The following TRPM3 variants were observed in gnomAD, a reference collection of about 807,000 sequenced individuals.
TRPM3 encodes the protein transient receptor potential cation channel subfamily M member 3, also known as long transient receptor potential channel 3.
Under a neutral mutation model 181.2 loss-of-function variants are expected in TRPM3, and 77 were observed. The ratio of observed to expected loss-of-function variants is 0.42; its 90% CI spans 0.35 to 0.51. The LOEUF is 0.51. Ranked by LOEUF, TRPM3 falls within the 20% of genes least tolerant of loss-of-function variation. TRPM3 has a pLI of 0.01. For missense variants in TRPM3, 1,759 were observed against 2,196.7 expected (o/e 0.80, Z 3.98); for synonymous variants, 745 against 796.4 (o/e 0.94, Z 1.09).
At chr9:70,683,085 G>A (rs550323384) in intron 8 of TRPM3, among the ~76,000 whole-genome samples, 4 of 152,088 alleles carry the variant, frequency 2.6e-5, no homozygotes, top group Non-Finnish European at 5.9e-5. Context: ...TTTATAACTT[G>A]GGAAAAAATA....
chr9:71,358,291 T>C (rs2091992042), intron 1 of TRPM3, among the ~76,000 whole-genome samples: 2 of 152,170 alleles, frequency 1.3e-5, no homozygotes, highest in African/African-American at 4.8e-5. Flanking sequence ...ATTCATTCAT[T>C]AGTAGGGTTT....
At chr9:71,175,074 G>C (rs1052094689) in intron 1 of TRPM3, among the ~76,000 whole-genome samples, 9 of 152,196 alleles carry the variant, frequency 5.9e-5, no homozygotes, top group Non-Finnish European at 4.4e-5. Flanking sequence ...GGAAACGACA[G>C]ATGGAGGTGA....
chr9:70,827,929 G>A lies in TRPM3; in HGVS notation c.891C>T (p.Asn297=), dbSNP rs201646902. 80 of 1,613,966 alleles carry A rather than the reference G, an allele frequency of 5.0e-5. 2 individuals carry two copies. The East Asian group carries it at 1.4e-3, about 28-fold the overall frequency. Residue 297 remains asparagine, a synonymous_variant, in exon 6 of 26, where the codon AAC becomes AAT. Coordinates refer to ENST00000677713, the MANE Select transcript of TRPM3 (RefSeq NM_001366145.2). ...SMHSHFILAD[N]GTTGKYGAEV... ...CTGCTCCATATTTTCCAGTGGTCCC[G>A]TTGTCAGCCAGAATGAAGTGGGAAT...
rs186193271 is a variant in TRPM3, at chr9:70,962,847, G to A, written c.178-98336C>T. Among the ~76,000 whole-genome samples, 81 of 152,188 alleles carry A rather than the reference G, an allele frequency of 5.3e-4. No homozygotes were observed. In the East Asian group the frequency reaches 0.011, roughly 20 times the overall value. On this transcript the variant is annotated intron_variant, in intron 1 of 25. Coordinates refer to ENST00000677713, the MANE Select transcript of TRPM3 (RefSeq NM_001366145.2). ...AAGTGATTTTGAATACCAAATCACCGGGGGGACAAGGGGACTGTCATGTAT... is the reference window on the plus strand; with the variant it reads ...AAGTGATTTTGAATACCAAATCACCAGGGGGACAAGGGGACTGTCATGTAT...
At chr9:70,690,626 G>A (rs1478295858) in intron 8 of TRPM3, among the ~76,000 whole-genome samples, 2 of 152,046 alleles carry the variant, frequency 1.3e-5, no homozygotes, top group Non-Finnish European at 2.9e-5. Context: ...ACTTTTAAAA[G>A]CCGCCAGCTT....
intron 1 of TRPM3, among the ~76,000 whole-genome samples, chr9:71,403,444 A>G (rs2093379075): frequency 3.3e-5 from 5 of 152,204 alleles, no homozygotes; most frequent in African/African-American, 1.2e-4. Flanking sequence ...GAAATGCAAA[A>G]GGAATATACT....
chr9:70,909,395 C>T (rs1243967792), intron 1 of TRPM3, among the ~76,000 whole-genome samples: 1 of 152,102 alleles, frequency 6.6e-6, no homozygotes. Flanking sequence ...TTAGACCCTT[C>T]ATAGTATGGT....
At chr9:71,063,210 GA>G (rs923529242) in intron 1 of TRPM3, among the ~76,000 whole-genome samples, 10 of 152,094 alleles carry the variant, frequency 6.6e-5, no homozygotes, top group Admixed American at 6.6e-4. Context: ...AGCCATTTGG[GA>G]AAGTCACAAA....
At chr9:70,950,723 A>G (rs1297177971) in intron 1 of TRPM3, among the ~76,000 whole-genome samples, 1 of 152,148 alleles carries the variant, frequency 6.6e-6, no homozygotes, top group Non-Finnish European at 1.5e-5. Flanking sequence ...AAGAAGCCAA[A>G]AAGACCTGCT....
intron 1 of TRPM3, among the ~76,000 whole-genome samples, chr9:70,954,525 A>G (rs1054228724): frequency 6.6e-6 from 1 of 152,064 alleles, no homozygotes; most frequent in African/African-American, 2.4e-5. Flanking sequence ...CATTTATTTG[A>G]TGTGTAGATT....
intron 1 of TRPM3, among the ~76,000 whole-genome samples, chr9:71,306,530 A>G (rs1205544653): frequency 6.6e-6 from 1 of 152,200 alleles, no homozygotes; most frequent in Non-Finnish European, 1.5e-5. Context: ...AAAATAGATT[A>G]TAAATTCACT....
At chr9:71,022,046 AAATCTAT>A (rs1228184169) in intron 1 of TRPM3, among the ~76,000 whole-genome samples, 4 of 152,200 alleles carry the variant, frequency 2.6e-5, no homozygotes, top group Non-Finnish European at 5.9e-5. Flanking sequence ...TATAAATTAA[AAATCTAT>A]AGGATAGAAA....
At chr9:70,761,855 C>A in intron 7 of TRPM3, 131 bp from the exon 8 acceptor site, 1 of 1,067,734 alleles carries the variant, frequency 9.4e-7, no homozygotes, top group Non-Finnish European at 1.3e-6. Context: ...ATTTTTCTCA[C>A]AAAAGGTATC....
chr9:70,771,102 G>A lies in TRPM3; in HGVS notation c.1149-9378C>T, dbSNP rs953044305. On this transcript the variant is annotated intron_variant, in intron 7 of 25. Coordinates refer to ENST00000677713, the MANE Select transcript of TRPM3 (RefSeq NM_001366145.2). ...TGCTAAGATGCCTTGAAACCATTAC[G>A]CTCAGATAATTTTATGCCATCCTGA... 2.0e-4 allele frequency among the ~76,000 whole-genome samples: 30 copies of A among 152,222 alleles called. 1 individual carries two copies. Among genetic ancestry groups the A allele is most frequent in the African/African-American group, 2.2e-4 (9 of 41,536 alleles).
intron 1 of TRPM3, among the ~76,000 whole-genome samples, chr9:71,227,698 A>G (rs114986105): frequency 0.012 from 1,756 of 152,270 alleles, 30 homozygotes; most frequent in African/African-American, 0.04. Context: ...ATTAGAGACT[A>G]CTATGTGCAA....
At chr9:70,763,701 C>A (rs1433083854) in intron 7 of TRPM3, among the ~76,000 whole-genome samples, 4 of 152,068 alleles carry the variant, frequency 2.6e-5, no homozygotes, top group African/African-American at 7.2e-5. Context: ...CTAGGATGTG[C>A]CAGGAACAGA....
rs532933212 is a variant in TRPM3 at position 70,534,227 on chromosome 9, T to C, written c.*1726A>G. On this transcript the variant is annotated 3_prime_UTR_variant, in exon 26 of 26. Coordinates refer to ENST00000677713, the MANE Select transcript of TRPM3 (RefSeq NM_001366145.2). ...TTGTACGTGGTGTAAAAACTTTGTTTAGGAAAAGCGAGACTAAATGAGATG... is the reference window on the plus strand; with the variant it reads ...TTGTACGTGGTGTAAAAACTTTGTTCAGGAAAAGCGAGACTAAATGAGATG... 6.6e-6 allele frequency: 1 copy of C among 152,224 alleles called. No individual in the cohort carries two copies. Among genetic ancestry groups the C allele is most frequent in the Non-Finnish European group, 1.5e-5 (1 of 68,040 alleles). The allele number at this position is 152,224 out of a possible 1,614,324, so 9.4% of individuals were successfully genotyped here. A position where few individuals can be genotyped will look rare whatever the true frequency, so the allele number is the denominator to read the frequency against.
chr9:71,358,303 G>A (rs1445075858), intron 1 of TRPM3, among the ~76,000 whole-genome samples: 1 of 152,098 alleles, frequency 6.6e-6, no homozygotes, highest in African/African-American at 2.4e-5. Flanking sequence ...GTAGGGTTTA[G>A]TGAGGCCAAA....
chr9:70,827,810 C>A, intron 6 of TRPM3, 37 bp downstream of exon 6: 1 of 1,603,916 alleles, frequency 6.2e-7, no homozygotes, highest in Non-Finnish European at 8.5e-7. Flanking sequence ...CAGCATACCT[C>A]CTACGAGCCA....
Sources: allele counts gnomAD v4.1 joint callset (sites outside exome capture counted in the v4.1 genomes callset), GRCh38; gene constraint gnomAD v4.1.1; transcripts MANE v1.5; gene names NCBI Gene and HGNC (gene_info 2026-07-23, HGNC 2026-07-21).